The following CCDC33 variants were observed in gnomAD, a reference collection of about 807,000 sequenced individuals.
CCDC33 encodes coiled-coil domain-containing protein 33.
Under a neutral mutation model 91.9 loss-of-function variants are expected in CCDC33, and 94 were observed. That is an observed-to-expected ratio of 1.02 (90% CI 0.87 to 1.21). The LOEUF is 1.21. Among genes scored for constraint, CCDC33 ranks in the 50% most tolerant of loss-of-function variants. CCDC33 has a pLI of 0.00. For missense variants in CCDC33, 940 were observed against 935.5 expected (o/e 1.00, Z -0.06); for synonymous variants, 396 against 374.5 (o/e 1.06, Z -0.66).
chr15:74,317,887 GTTTTTTTTTTT>G (rs71137385), intron 11 of CCDC33, among the ~76,000 whole-genome samples: 2 of 110,490 alleles, frequency 1.8e-5, no homozygotes, highest in South Asian at 3.5e-4. Flanking sequence ...GTTTGGGTTT[GTTTTTTTTTTT>G]TTTTTTTTTT....
chr15:74,264,453 C>G (rs1595978212), intron 3 of CCDC33, among the ~76,000 whole-genome samples: 1 of 152,154 alleles, frequency 6.6e-6, no homozygotes, highest in Admixed American at 6.5e-5. Context: ...TCCATTACCC[C>G]CAATTCCAGC....
intron 11 of CCDC33, among the ~76,000 whole-genome samples, chr15:74,317,673 C>G (rs1174229835): frequency 2.0e-5 from 3 of 152,188 alleles, no homozygotes; most frequent in African/African-American, 7.2e-5. Context: ...CAGCATCTTG[C>G]TAGGTCCAGG....
Position 74,254,744 on chromosome 15 carries a change from C to CTTT in CCDC33, c.186-7678_186-7676dup, listed in dbSNP as rs756927130. On this transcript the variant is annotated intron_variant, in intron 2 of 18. Coordinates refer to ENST00000398814, the MANE Select transcript of CCDC33 (RefSeq NM_025055.5). ...TCTCCTCTGCATCTCTACCCTCCTT[C>CTTT]TTTTTTTTTTTTTTTTTTTTGAGAC... Among the ~76,000 whole-genome samples the CTTT allele has an allele frequency of 2.7e-3, 342 of 126,382 alleles. 4 individuals carry two copies. The highest frequency in any genetic ancestry group is 9.4e-3 in the African/African-American group (308 of 32,896). The allele number at this position is 126,382 out of a possible 152,430, so 82.9% of individuals were successfully genotyped here. A position where few individuals can be genotyped will look rare whatever the true frequency, so the allele number is the denominator to read the frequency against.
intron 2 of CCDC33, among the ~76,000 whole-genome samples, chr15:74,224,392 G>T: frequency 6.6e-6 from 1 of 152,176 alleles, no homozygotes; most frequent in Admixed American, 6.5e-5. Context: ...ACTCAAAATT[G>T]CACAGTTTGA....
At chr15:74,311,061 G>A (rs1028782391) in intron 11 of CCDC33, among the ~76,000 whole-genome samples, 1 of 152,122 alleles carries the variant, frequency 6.6e-6, no homozygotes, top group Non-Finnish European at 1.5e-5. Context: ...TGGACAGGGC[G>A]CACGGGGCCT....
chr15:74,269,866 G>A (rs2076268552), intron 5 of CCDC33, among the ~76,000 whole-genome samples: 1 of 152,240 alleles, frequency 6.6e-6, no homozygotes, highest in Non-Finnish European at 1.5e-5. Context: ...TTCCCAGGCT[G>A]TCATGAGCAG....
chr15:74,318,462 A>G (rs1025953581), intron 11 of CCDC33: 60 of 532,578 alleles, frequency 1.1e-4, no homozygotes, highest in Non-Finnish European at 1.5e-4. Context: ...ACCCTGGAAC[A>G]AAGGGGAAGT....
chr15:74,333,666 A>C (rs901747047), intron 16 of CCDC33, among the ~76,000 whole-genome samples: 5 of 152,236 alleles, frequency 3.3e-5, no homozygotes, highest in Non-Finnish European at 2.9e-5. Context: ...TCGTATTCTC[A>C]AAATCTGTGT....
intron 5 of CCDC33, among the ~76,000 whole-genome samples, chr15:74,270,597 G>A (rs1299507098): frequency 2.0e-5 from 3 of 152,280 alleles, no homozygotes; most frequent in African/African-American, 4.8e-5. Context: ...CAGAGGAATC[G>A]AAGGAGCAAG....
At chr15:74,228,909 G>A (rs1180929788) in intron 2 of CCDC33, among the ~76,000 whole-genome samples, 1 of 152,182 alleles carries the variant, frequency 6.6e-6, no homozygotes, top group Non-Finnish European at 1.5e-5. Flanking sequence ...CGGGTGGTGT[G>A]AGCGAAGGGT....
At chr15:74,318,629 G>T in intron 11 of CCDC33, 1 of 760,226 alleles carries the variant, frequency 1.3e-6, no homozygotes. Context: ...AGCCCCCAAG[G>T]CTGCCCCAGG....
At position 74,330,235 on chromosome 15, in the gene CCDC33, T is replaced by A. The variant is rs1488340815; in HGVS notation, c.1337T>A (p.Ile446Asn). 6 of 1,612,542 alleles carry A rather than the reference T, an allele frequency of 3.7e-6. No homozygotes were observed. In the Admixed American group the frequency reaches 5.0e-5, roughly 13 times the overall value. The change falls in exon 12 of 19, where the codon ATC (isoleucine) becomes AAC (asparagine). Residue 446 changes from isoleucine (I) to asparagine (N), a missense_variant. By Grantham distance (149) the Ile-to-Asn change is moderately radical. Coordinates refer to ENST00000398814, the MANE Select transcript of CCDC33 (RefSeq NM_025055.5). ...RRAMQKMAED[I>N]LSLRRQASIL... ...GCCATGCAGAAGATGGCAGAGGACA[T>A]CCTGTCTCTGCGGAGACAGGCCAGC...
chr15:74,306,026 G>A lies in CCDC33; in HGVS notation c.1290+10078G>A, dbSNP rs376613157. Among the ~76,000 whole-genome samples, 76 of 152,316 alleles carry A rather than the reference G, an allele frequency of 5.0e-4. 1 individual carries two copies. Among genetic ancestry groups the A allele is most frequent in the Non-Finnish European group, 9.4e-4 (64 of 68,036 alleles). Reference sequence around the variant, plus strand: ...GGCCGTCCACTTTGGCACTTTGCAGGAGGCTTATTAATAGTCGTTGTGTTC... The same window carrying A: ...GGCCGTCCACTTTGGCACTTTGCAGAAGGCTTATTAATAGTCGTTGTGTTC... On this transcript the variant is annotated intron_variant, in intron 11 of 18. Transcript: ENST00000398814.
At chr15:74,249,144 G>T (rs1403950712) in intron 2 of CCDC33, among the ~76,000 whole-genome samples, 2 of 152,070 alleles carry the variant, frequency 1.3e-5, no homozygotes, top group Admixed American at 6.6e-5. Flanking sequence ...CTGCAAAATA[G>T]CTCATTTTGT....
intron 1 of CCDC33, among the ~76,000 whole-genome samples, chr15:74,237,479 G>T: frequency 6.6e-6 from 1 of 152,194 alleles, no homozygotes; most frequent in East Asian, 1.9e-4. Context: ...CTTGCAAATG[G>T]GGGATACCCT....
chr15:74,221,332 A>G, intron 2 of CCDC33: 2 of 980,760 alleles, frequency 2.0e-6, no homozygotes, highest in Non-Finnish European at 2.4e-6. Context: ...ATGATCCAGA[A>G]TGAGAAGGAA....
chr15:74,266,088 G>A (rs2076158874), intron 3 of CCDC33, among the ~76,000 whole-genome samples: 1 of 152,216 alleles, frequency 6.6e-6, no homozygotes. Context: ...TTTGGAGGGT[G>A]TTTACTAAGT....
intron 11 of CCDC33, among the ~76,000 whole-genome samples, chr15:74,319,981 C>T (rs143175243): frequency 4.6e-5 from 7 of 152,318 alleles, no homozygotes; most frequent in African/African-American, 1.7e-4. Flanking sequence ...TAACCTTGGG[C>T]TGAACAAAGA....
intron 10 of CCDC33, among the ~76,000 whole-genome samples, chr15:74,284,588 GA>G (rs372224863): frequency 6.7e-6 from 1 of 150,048 alleles, no homozygotes; most frequent in African/African-American, 2.5e-5. Context: ...AGAAGAAGAA[GA>G]AAAAAAAACA....
Sources: allele counts gnomAD v4.1 joint callset (sites outside exome capture counted in the v4.1 genomes callset), GRCh38; gene constraint gnomAD v4.1.1; transcripts MANE v1.5; gene names NCBI Gene and HGNC (gene_info 2026-07-23, HGNC 2026-07-21).